The following UBAP2L variants were observed in gnomAD, a reference collection of about 807,000 sequenced individuals.
UBAP2L encodes the protein ubiquitin associated protein 2 like.
A neutral mutation model predicts 130.6 loss-of-function variants in UBAP2L; 12 were observed. The ratio of observed to expected loss-of-function variants is 0.09; its 90% CI spans 0.06 to 0.15. The LOEUF (loss-of-function observed/expected upper bound fraction) is 0.15. UBAP2L is among the 10% of genes least tolerant of loss of function. The pLI is 1.00. For missense variants in UBAP2L, 965 were observed against 1,332.5 expected (o/e 0.72, Z 4.29); for synonymous variants, 503 against 524.7 (o/e 0.96, Z 0.57).
At chr1:154,247,170 A>G (rs1277163475) in intron 11 of UBAP2L, among the ~76,000 whole-genome samples, 2 of 152,200 alleles carry the variant, frequency 1.3e-5, no homozygotes, top group Non-Finnish European at 2.9e-5. Flanking sequence ...GTGTGTGCAT[A>G]TAATTTTATT....
chr1:154,225,037 C>T (rs1450058826), intron 1 of UBAP2L, 47 bp from the exon 2 acceptor site: 1 of 1,336,044 alleles, frequency 7.5e-7, no homozygotes, highest in African/African-American at 1.5e-5. Flanking sequence ...GAGTTAAAAA[C>T]ATATTTTGCC....
intron 4 of UBAP2L, among the ~76,000 whole-genome samples, chr1:154,232,154 C>T (rs1670042133): frequency 6.6e-6 from 1 of 152,046 alleles, no homozygotes; most frequent in Non-Finnish European, 1.5e-5. Context: ...TGGTGAAACC[C>T]CATCTCTACT....
At chr1:154,270,092 G>A (rs1297101679) in intron 26 of UBAP2L, 108 bp from the exon 27 acceptor site, 1 of 1,356,150 alleles carries the variant, frequency 7.4e-7, no homozygotes, top group African/African-American at 1.5e-5. Flanking sequence ...AGTAGTGAGG[G>A]GAATGGGAGA....
intron 2 of UBAP2L, among the ~76,000 whole-genome samples, chr1:154,226,534 G>T (rs1223762402): frequency 1.3e-5 from 2 of 152,128 alleles, no homozygotes; most frequent in African/African-American, 4.8e-5. Flanking sequence ...ACTTAGTTGG[G>T]GCAGTAAAAT....
intron 6 of UBAP2L, among the ~76,000 whole-genome samples, 189 bp downstream of exon 6, chr1:154,235,480 G>A (rs1671348876): frequency 6.6e-6 from 1 of 152,016 alleles, no homozygotes; most frequent in Non-Finnish European, 1.5e-5. Context: ...AGCCTCCCTA[G>A]TAGCTAAGAC....
intron 12 of UBAP2L, 30 bp from the exon 13 acceptor site, chr1:154,251,011 T>A (rs777379395): frequency 1.5e-5 from 24 of 1,582,998 alleles, no homozygotes; most frequent in Non-Finnish European, 2.0e-5. Flanking sequence ...TTAGCATCTC[T>A]GGCTTCATAT....
chr1:154,258,413 G>A (rs1680399115), intron 20 of UBAP2L, among the ~76,000 whole-genome samples: 1 of 152,154 alleles, frequency 6.6e-6, no homozygotes, highest in Non-Finnish European at 1.5e-5. Context: ...TTTTGCCCTA[G>A]TGTATCTTCT....
At chr1:154,251,716 G>C in intron 14 of UBAP2L, 63 bp downstream of exon 14, 2 of 1,583,984 alleles carry the variant, frequency 1.3e-6, no homozygotes, top group Non-Finnish European at 1.7e-6. Flanking sequence ...TAATCTGTGG[G>C]AGATTTCTAG....
chr1:154,259,062 A>C, intron 21 of UBAP2L, 32 bp downstream of exon 21: 1 of 1,592,850 alleles, frequency 6.3e-7, no homozygotes, highest in Non-Finnish European at 8.6e-7. Context: ...TTGGAAAAGA[A>C]AGTAGTCTTA....
chr1:154,239,646 G>A (rs1395610109), intron 8 of UBAP2L, among the ~76,000 whole-genome samples: 1 of 152,162 alleles, frequency 6.6e-6, no homozygotes, highest in Non-Finnish European at 1.5e-5. Flanking sequence ...CCAGTTAGGT[G>A]TCTACGTTCC....
intron 24 of UBAP2L, among the ~76,000 whole-genome samples, chr1:154,266,241 T>C (rs992990104): frequency 1.3e-4 from 20 of 152,186 alleles, no homozygotes; most frequent in Admixed American, 9.8e-4. Flanking sequence ...GGTTTGGTCA[T>C]ATCCCCTTGC....
intron 11 of UBAP2L, among the ~76,000 whole-genome samples, chr1:154,247,750 TAAAAATGTG>T (rs1676004686): frequency 6.6e-6 from 1 of 152,070 alleles, no homozygotes; most frequent in East Asian, 1.9e-4. Context: ...TTTTTTTAAA[TAAAAATGTG>T]AAAACTAAGT....
intron 8 of UBAP2L, among the ~76,000 whole-genome samples, chr1:154,238,686 C>G (rs1271490751): frequency 6.6e-6 from 1 of 152,068 alleles, no homozygotes; most frequent in Non-Finnish European, 1.5e-5. Context: ...CTTGTTAGTG[C>G]AAAAGTGTTG....
chr1:154,266,695 T>C (rs1683328469), intron 25 of UBAP2L, 127 bp downstream of exon 25: 1 of 993,226 alleles, frequency 1.0e-6, no homozygotes, highest in East Asian at 2.4e-5. Context: ...TCCTACTTTT[T>C]CTAAATGAAA....
chr1:154,254,948 T>TC, intron 16 of UBAP2L, 58 bp downstream of exon 16: 11 of 1,560,256 alleles, frequency 7.1e-6, no homozygotes, highest in Non-Finnish European at 9.5e-6. Flanking sequence ...CTTAAAATGG[T>TC]GATAATCCAT....
chr1:154,270,099 G>A, intron 26 of UBAP2L, 101 bp from the exon 27 acceptor site: 3 of 1,404,610 alleles, frequency 2.1e-6, no homozygotes, highest in Non-Finnish European at 2.9e-6. Context: ...AGGGGAATGG[G>A]AGAGCAAGAC....
At chr1:154,263,116 A>AC in intron 24 of UBAP2L, 1 of 1,551,614 alleles carries the variant, frequency 6.4e-7, no homozygotes, top group Non-Finnish European at 8.7e-7. Context: ...GAAAATATCC[A>AC]CCCCCTTACA....
chr1:154,225,264 T>A (rs1313166762), intron 2 of UBAP2L, 51 bp downstream of exon 2: 4 of 1,579,082 alleles, frequency 2.5e-6, no homozygotes, highest in Admixed American at 1.7e-5. Flanking sequence ...CTGCTGATAC[T>A]GGTTTCCATG....
rs1338532666 is a variant in UBAP2L at position 154,255,699 on chromosome 1, C to G, written c.2101C>G (p.Gln701Glu). 1 of 1,614,186 alleles carries G rather than the reference C, an allele frequency of 6.2e-7. No individual in the cohort carries two copies. Among genetic ancestry groups the G allele is most frequent in the Non-Finnish European group, 8.5e-7 (1 of 1,180,044 alleles). ...TTCTGACAGCACGTTATCTACGCAG[C>G]AGAATACCCTTTCATCATCAACATC... Reference protein sequence around the residue: ...TQHSSTLSTQQNTLSSSTSSG... With the variant: ...TQHSSTLSTQENTLSSSTSSG... The change falls in exon 18 of 27, where the codon CAG (glutamine) becomes GAG (glutamate). Residue 701 changes from glutamine to glutamate, a missense_variant. Coordinates refer to ENST00000428931, the MANE Select transcript of UBAP2L (RefSeq NM_014847.4).
Sources: gnomAD v4.1 joint callset for allele counts (sites outside exome capture counted in the v4.1 genomes callset) on GRCh38, gnomAD v4.1.1 for gene constraint, MANE v1.5 for transcripts, NCBI Gene and HGNC (gene_info 2026-07-23, HGNC 2026-07-21) for gene names.